The following CSMD3 variants were observed in gnomAD, a reference collection of about 807,000 sequenced individuals.
CSMD3 encodes CUB and sushi domain-containing protein 3.
A neutral mutation model predicts 435.2 loss-of-function variants in CSMD3; 177 were observed. The observed-to-expected ratio is 0.41, with a 90% confidence interval of 0.36 to 0.46. CSMD3 has a LOEUF of 0.46. Ranked by LOEUF, CSMD3 falls within the 20% of genes least tolerant of loss-of-function variation. CSMD3 has a pLI of 0.34. For missense variants in CSMD3, 4,265 were observed against 4,504.6 expected, an observed-to-expected ratio of 0.95 and a Z score of 1.52; for synonymous variants, 1,656 against 1,520.5, an observed-to-expected ratio of 1.09 and a Z score of -2.07.
At chr8:113,296,783 G>A (rs1013547886) in intron 2 of CSMD3, among the ~76,000 whole-genome samples, 2 of 152,032 alleles carry the variant, frequency 1.3e-5, no homozygotes, top group Admixed American at 6.6e-5. Context: ...ATCTCTACAC[G>A]TCAGAAAACC....
intron 2 of CSMD3, among the ~76,000 whole-genome samples, chr8:113,298,083 T>C (rs1341270688): frequency 6.6e-6 from 1 of 152,018 alleles, no homozygotes; most frequent in Non-Finnish European, 1.5e-5. Context: ...TAATAGAGAA[T>C]AGTAAGAGCA....
chr8:112,948,470 T>G (rs7834141), intron 8 of CSMD3, among the ~76,000 whole-genome samples: 97,475 of 151,716 alleles, frequency 0.64, 31,843 homozygotes, highest in East Asian at 0.99. Context: ...GCAACTTCCA[T>G]GAATATGATT....
chr8:113,307,329 ATTC>A (rs1352439421), intron 2 of CSMD3, among the ~76,000 whole-genome samples: 2 of 152,148 alleles, frequency 1.3e-5, no homozygotes, highest in African/African-American at 4.8e-5. Context: ...GTACACCTTA[ATTC>A]TTCTTCACTT....
chr8:112,588,903 T>A (rs1330818451), intron 22 of CSMD3, among the ~76,000 whole-genome samples: 4 of 152,150 alleles, frequency 2.6e-5, no homozygotes, highest in Admixed American at 6.6e-5. Context: ...TATTTTTTTC[T>A]ACTAGGTTTT....
intron 11 of CSMD3, among the ~76,000 whole-genome samples, chr8:112,845,637 AG>A (rs2080297204): frequency 6.6e-6 from 1 of 152,068 alleles, no homozygotes; most frequent in Admixed American, 6.6e-5. Context: ...TATTTTACAA[AG>A]AAGACATTAT....
intron 9 of CSMD3, among the ~76,000 whole-genome samples, chr8:112,942,235 TA>T (rs4028274): frequency 0.79 from 111,366 of 140,742 alleles, 44,009 homozygotes; most frequent in East Asian, 0.92. Context: ...ATGTTTAGTT[TA>T]AAAAAAAAAA....
rs80277352 is a variant in CSMD3, at chr8:112,406,593, T to C, written c.5740A>G (p.Ile1914Val). The C allele has an allele frequency of 2.2e-3, 3,537 of 1,612,758 alleles. 65 individuals are homozygous for C. The African/African-American group carries it at 0.042, about 19-fold the overall frequency. ...CNPGYILHGS[I>V]AIRCETVPNS... ...GGCACTGTTTCACACCTAATTGCTA[T>C]GGATCCATGGAGAATATATCCTGGA... Residue 1914 changes from isoleucine (I) to valine (V), a missense_variant, in exon 35 of 71, where the codon ATA becomes GTA. Coordinates refer to ENST00000297405, the MANE Select transcript of CSMD3 (RefSeq NM_198123.2).
intron 13 of CSMD3, among the ~76,000 whole-genome samples, chr8:112,798,889 A>T (rs1324303084): frequency 6.6e-6 from 1 of 151,868 alleles, no homozygotes; most frequent in African/African-American, 2.4e-5. Flanking sequence ...ACAGAAAAAG[A>T]TACATTTCAA....
chr8:112,360,274 A>G (rs2131110144), intron 38 of CSMD3, among the ~76,000 whole-genome samples: 1 of 152,092 alleles, frequency 6.6e-6, no homozygotes, highest in East Asian at 1.9e-4. Context: ...ATTCAGGGTC[A>G]TATATATAAA....
chr8:112,313,856 A>C, intron 49 of CSMD3, 50 bp downstream of exon 49: 1 of 1,415,694 alleles, frequency 7.1e-7, no homozygotes, highest in Non-Finnish European at 1.0e-6. Flanking sequence ...AATCATAATC[A>C]TACCGAAGAT....
chr8:112,555,956 C>T (rs1038299452), intron 25 of CSMD3, among the ~76,000 whole-genome samples: 2 of 151,944 alleles, frequency 1.3e-5, no homozygotes. Flanking sequence ...GAATGGATTT[C>T]TGCCTCTATA....
chr8:112,796,905 A>G (rs1379289041), intron 13 of CSMD3, among the ~76,000 whole-genome samples: 1 of 152,020 alleles, frequency 6.6e-6, no homozygotes, highest in African/African-American at 2.4e-5. Flanking sequence ...GTGGCATTTT[A>G]TTCATTTATG....
chr8:113,381,803 T>C (rs559618816), intron 1 of CSMD3, among the ~76,000 whole-genome samples: 1 of 152,168 alleles, frequency 6.6e-6, no homozygotes, highest in African/African-American at 2.4e-5. Flanking sequence ...ATAAAGAAAA[T>C]AACTCATAAT....
chr8:113,385,438 A>G (rs1431358474), intron 1 of CSMD3, among the ~76,000 whole-genome samples: 1 of 152,162 alleles, frequency 6.6e-6, no homozygotes, highest in Admixed American at 6.6e-5. Context: ...GTAATGTGTC[A>G]AAGAAAAATG....
chr8:113,284,790 G>T (rs777120697), intron 2 of CSMD3, among the ~76,000 whole-genome samples: 13 of 151,996 alleles, frequency 8.6e-5, no homozygotes, highest in Non-Finnish European at 1.8e-4. Context: ...TGCATATATT[G>T]CTCGTTACTA....
chr8:112,606,001 G>A (rs1832763139), intron 22 of CSMD3, among the ~76,000 whole-genome samples: 2 of 152,116 alleles, frequency 1.3e-5, no homozygotes, highest in South Asian at 2.1e-4. Context: ...AGATGCACAG[G>A]ATGGTGAAAC....
At chr8:113,158,487 G>C (rs1212915082) in intron 4 of CSMD3, among the ~76,000 whole-genome samples, 1 of 151,986 alleles carries the variant, frequency 6.6e-6, no homozygotes, top group South Asian at 2.1e-4. Flanking sequence ...CACTTGAATT[G>C]ACTCTGTCAA....
chr8:113,342,884 A>C lies in CSMD3; in HGVS notation c.179-28091T>G, dbSNP rs139046501. ...TATTATATATTATTCCCAATGTCCA[A>C]TGATGAATCAACATTTATGAGAAAT... is the stretch of plus-strand genomic sequence containing the variant. On this transcript the variant is annotated intron_variant, in intron 1 of 70. Transcript: ENST00000297405. Among the ~76,000 whole-genome samples the C allele has an allele frequency of 3.0e-3, 462 of 151,952 alleles. 2 individuals are homozygous for C. Among genetic ancestry groups the C allele is most frequent in the African/African-American group, 9.4e-3 (390 of 41,492 alleles).
chr8:113,082,794 C>A (rs944825959), intron 5 of CSMD3, among the ~76,000 whole-genome samples: 1 of 151,798 alleles, frequency 6.6e-6, no homozygotes, highest in Non-Finnish European at 1.5e-5. Flanking sequence ...TTGAGAAATA[C>A]AATGAATAAA....
Sources: allele counts gnomAD v4.1 joint callset (sites outside exome capture counted in the v4.1 genomes callset), GRCh38; gene constraint gnomAD v4.1.1; transcripts MANE v1.5; gene names NCBI Gene and HGNC (gene_info 2026-07-23, HGNC 2026-07-21).